ACSM4: variants seen among roughly 807,000 people sequenced by gnomAD.
ACSM4 encodes acyl-CoA synthetase medium chain family member 4.
In ACSM4, 66 loss-of-function variants were observed where a neutral mutation model predicts 73.0. The ratio of observed to expected loss-of-function variants is 0.90; its 90% CI spans 0.74 to 1.11. The LOEUF (loss-of-function observed/expected upper bound fraction) is 1.11, where lower values mean the gene tolerates loss of function less well. ACSM4 is among the 50% of genes least tolerant of loss of function. ACSM4 has a pLI of 0.00. For synonymous variants in ACSM4, 222 were observed against 254.0 expected (o/e 0.87, Z 1.20); for missense variants, 645 against 714.4 (o/e 0.90, Z 1.11).
intron 12 of ACSM4, 107 bp from the exon 13 acceptor site, chr12:7,328,180 T>A (rs1946524035): frequency 1.3e-6 from 1 of 790,194 alleles, no homozygotes; most frequent in African/African-American, 1.8e-5. Flanking sequence ...GCTAAGATAA[T>A]CTCGACTTTA....
intron 3 of ACSM4, 99 bp from the exon 4 acceptor site, chr12:7,317,038 T>C: frequency 7.1e-7 from 1 of 1,406,148 alleles, no homozygotes; most frequent in Non-Finnish European, 9.5e-7. Flanking sequence ...GTTAACTATC[T>C]TCTGGTAGCA....
chr12:7,321,130 A>G (rs1278346398), intron 6 of ACSM4, among the ~76,000 whole-genome samples: 1 of 152,120 alleles, frequency 6.6e-6, no homozygotes, highest in Non-Finnish European at 1.5e-5. Context: ...GGACAACTGG[A>G]CATTTTTCCA....
chr12:7,317,174 A>C lies in ACSM4; in HGVS notation c.658A>C (p.Ser220Arg). 6.2e-7 allele frequency: 1 copy of C among 1,612,968 alleles called. No individual in the cohort carries two copies. The highest frequency in any genetic ancestry group is 1.1e-5 in the South Asian group (1 of 90,782). Residue 220 changes from serine (S) to arginine (R), a missense_variant, in exon 4 of 13, where the codon AGT becomes CGT. Ser to Arg is a moderately radical substitution (Grantham distance 110). Coordinates refer to ENST00000399422, the MANE Select transcript of ACSM4 (RefSeq NM_001080454.2). Reference sequence around the variant, plus strand: ...AGAGCACAGCTGTGTGGAAACAGGAAGTCAAGAACCAATGACCATTTATTT... The same window carrying C: ...AGAGCACAGCTGTGTGGAAACAGGACGTCAAGAACCAATGACCATTTATTT... ...SEEHSCVETG[S>R]QEPMTIYFTS...
chr12:7,306,226 G>T (rs910899803), intron 1 of ACSM4, among the ~76,000 whole-genome samples: 1 of 152,176 alleles, frequency 6.6e-6, no homozygotes, highest in Non-Finnish European at 1.5e-5. Context: ...GACAAGTTTT[G>T]TACCAACCAT....
rs755015856 is a variant in ACSM4 at position 7,306,292 on chromosome 12, A to T, written c.202-241A>T. ...AAAAAGTCCAGAGAGAGAAGGTCTGATTGGCCCAACTTTGGTCAAATGCCC... is the reference window on the plus strand; with the variant it reads ...AAAAAGTCCAGAGAGAGAAGGTCTGTTTGGCCCAACTTTGGTCAAATGCCC... On this transcript the variant is annotated intron_variant, in intron 1 of 12. Coordinates refer to ENST00000399422, the MANE Select transcript of ACSM4 (RefSeq NM_001080454.2). Among the ~76,000 whole-genome samples the T allele has an allele frequency of 3.9e-5, 6 of 152,282 alleles. No homozygotes were observed. The East Asian group carries it at 5.8e-4, about 15-fold the overall frequency.
In ACSM4 at chr12:7,304,383, CCACCTGGCCGGCGCTTA is replaced by C. The variant is rs772366033; in HGVS notation, c.56_72del (p.Pro19GlnfsTer13). 2.8e-5 allele frequency: 45 copies of C among 1,613,882 alleles called. No homozygotes were observed. The highest frequency in any genetic ancestry group is 6.7e-5 in the Admixed American group (4 of 60,010). On this transcript the variant is annotated frameshift_variant, in exon 1 of 13. Coordinates refer to ENST00000399422, the MANE Select transcript of ACSM4 (RefSeq NM_001080454.2). LOFTEE classifies it high-confidence loss of function. ...ATTTAGATTCATCTGGCTCACCAAG[CCACCTGGCCGGCGCTTA>C]CACAAAGATCACCAGCTTTGGACGC...
At chr12:7,316,880 G>C (rs1946423824) in intron 3 of ACSM4, among the ~76,000 whole-genome samples, 1 of 152,120 alleles carries the variant, frequency 6.6e-6, no homozygotes, top group African/African-American at 2.4e-5. Flanking sequence ...AATATTGAAA[G>C]TTATCTTGGC....
At chr12:7,310,410 C>A in intron 2 of ACSM4, 129 bp from the exon 3 acceptor site, 2 of 864,372 alleles carry the variant, frequency 2.3e-6, no homozygotes, top group Non-Finnish European at 3.6e-6. Flanking sequence ...TATCCTTGGG[C>A]ATCAAGGCAG....
intron 11 of ACSM4, 23 bp downstream of exon 11, chr12:7,324,621 A>G: frequency 6.2e-7 from 1 of 1,608,544 alleles, no homozygotes; most frequent in Non-Finnish European, 8.5e-7. Flanking sequence ...CATTTATTAA[A>G]GAAGCAACAT....
At chr12:7,305,629 A>G (rs1946357585) in intron 1 of ACSM4, among the ~76,000 whole-genome samples, 1 of 152,236 alleles carries the variant, frequency 6.6e-6, no homozygotes, top group Admixed American at 6.5e-5. Flanking sequence ...TGATCTTTAC[A>G]GAGGTTACAT....
At chr12:7,315,765 C>T (rs946814464) in intron 3 of ACSM4, among the ~76,000 whole-genome samples, 1 of 152,096 alleles carries the variant, frequency 6.6e-6, no homozygotes, top group Non-Finnish European at 1.5e-5. Context: ...GTCCATGGGT[C>T]AGAAATTCGC....
chr12:7,322,570 A>T (rs1353001605), intron 7 of ACSM4, 29 bp downstream of exon 7: 1 of 1,592,584 alleles, frequency 6.3e-7, no homozygotes, highest in African/African-American at 1.3e-5. Flanking sequence ...TATGTTTAGT[A>T]TATGTGGGGG....
chr12:7,306,888 T>G, intron 2 of ACSM4, 145 bp downstream of exon 2: 1 of 833,166 alleles, frequency 1.2e-6, no homozygotes. Flanking sequence ...AATCATGATA[T>G]AATAATAACA....
At chr12:7,317,804 T>G (rs1175631902) in intron 4 of ACSM4, among the ~76,000 whole-genome samples, 2 of 152,070 alleles carry the variant, frequency 1.3e-5, no homozygotes, top group African/African-American at 2.4e-5. Context: ...ACTCAAAAAA[T>G]CATGCCACAC....
Position 7,310,666 on chromosome 12 carries a change from G to C in ACSM4, c.540G>C (p.Leu180Phe), listed in dbSNP as rs1383375296. Reference protein sequence around the residue: ...EVAPAVESIVLECPDLKTKLL... With the variant: ...EVAPAVESIVFECPDLKTKLL... ...CCCCAGCGGTGGAGTCCATTGTATT[G>C]GAGTGTCCTGACCTTAAGACAAAAC... is the stretch of plus-strand genomic sequence containing the variant. The change falls in exon 3 of 13, where the codon TTG becomes TTC. Residue 180 changes from leucine (L) to phenylalanine (F), a missense_variant. By Grantham distance (22) the Leu-to-Phe change is conservative. Coordinates refer to ENST00000399422, the MANE Select transcript of ACSM4 (RefSeq NM_001080454.2). 4 of 1,613,444 alleles carry C rather than the reference G, an allele frequency of 2.5e-6. No individual in the cohort carries two copies. The highest frequency in any genetic ancestry group is 1.1e-5 in the South Asian group (1 of 90,934).
At chr12:7,326,756 G>A (rs772531862) in intron 11 of ACSM4, among the ~76,000 whole-genome samples, 1 of 152,310 alleles carries the variant, frequency 6.6e-6, no homozygotes, top group East Asian at 1.9e-4. Flanking sequence ...TTCTTGAACT[G>A]CTGCACTCCT....
In ACSM4 at chr12:7,310,721, T is replaced by C; in HGVS notation, c.595T>C (p.Trp199Arg). 1 of 1,613,338 alleles carries C rather than the reference T, an allele frequency of 6.2e-7. No individual in the cohort carries two copies. The highest frequency in any genetic ancestry group is 1.1e-5 in the South Asian group (1 of 90,898). The change falls in exon 3 of 13, where the codon TGG becomes CGG. Residue 199 changes from tryptophan to arginine, a missense_variant. Trp to Arg is a moderately radical substitution (Grantham distance 101). Transcript: ENST00000399422. The stretch of plus-strand genomic sequence containing the variant: ...GGTGTCTCCACAAAGCTGGAATGGG[T>C]GGCTCAGCTTCCAGGAGTTATTTCA... ...LLVSPQSWNG[W>R]LSFQELFQFA... is the part of the protein sequence containing the mutation.
At chr12:7,306,347 C>A (rs1946362033) in intron 1 of ACSM4, among the ~76,000 whole-genome samples, 186 bp from the exon 2 acceptor site, 1 of 152,146 alleles carries the variant, frequency 6.6e-6, no homozygotes, top group South Asian at 2.1e-4. Flanking sequence ...GTAAAAGCAA[C>A]CTGAGGGATT....
At chr12:7,313,500 T>C (rs1946402182) in intron 3 of ACSM4, among the ~76,000 whole-genome samples, 1 of 152,172 alleles carries the variant, frequency 6.6e-6, no homozygotes, top group Non-Finnish European at 1.5e-5. Context: ...ATTCAATAAG[T>C]TCATTTTAAG....
Sources: allele counts gnomAD v4.1 joint callset (sites outside exome capture counted in the v4.1 genomes callset), GRCh38; gene constraint gnomAD v4.1.1; transcripts MANE v1.5; gene names NCBI Gene and HGNC (gene_info 2026-07-23, HGNC 2026-07-21).